The following MYLK4 variants were observed in gnomAD, a reference collection of about 807,000 sequenced individuals.
MYLK4 encodes myosin light chain kinase family member 4, also known as caMLCK like.
In MYLK4, 46 loss-of-function variants were observed where a neutral mutation model predicts 48.1. The ratio of observed to expected loss-of-function variants is 0.96; its 90% confidence interval spans 0.75 to 1.22. The LOEUF (loss-of-function observed/expected upper bound fraction) is 1.22, where lower values mean the gene tolerates loss of function less well. MYLK4 is among the 50% of genes most tolerant of loss of function. The pLI is 0.00. For synonymous variants in MYLK4, 170 were observed against 180.8 expected, an observed-to-expected ratio of 0.94 and a Z score of 0.48; for missense variants, 451 against 486.1, an observed-to-expected ratio of 0.93 and a Z score of 0.68.
chr6:2,770,018 A>G, the MYLK4 span: 8 of 1,521,738 alleles, frequency 5.3e-6, no homozygotes, highest in South Asian at 9.9e-5. Context: ...AACTCGAAAG[A>G]TAAAAATGAG....
intron 12 of MYLK4, among the ~76,000 whole-genome samples, chr6:2,670,434 G>A (rs547667801): frequency 1.3e-5 from 2 of 152,270 alleles, no homozygotes; most frequent in South Asian, 4.1e-4. Flanking sequence ...CGTCAACGCT[G>A]TGCAGTTACA....
At chr6:2,690,109 AG>A (rs920956016) in intron 3 of MYLK4, among the ~76,000 whole-genome samples, 12 of 152,300 alleles carry the variant, frequency 7.9e-5, no homozygotes, top group African/African-American at 2.9e-4. Flanking sequence ...AAGGTTAAAA[AG>A]CCTTAAAAGG....
chr6:2,709,898 C>G (rs371809059), intron 2 of MYLK4, among the ~76,000 whole-genome samples: 30 of 152,038 alleles, frequency 2.0e-4, no homozygotes, highest in African/African-American at 7.2e-4. Context: ...GTCTCTGTCC[C>G]CAAGAAACTA....
chr6:2,711,320 T>C (rs1399226928), intron 2 of MYLK4, among the ~76,000 whole-genome samples: 5 of 152,358 alleles, frequency 3.3e-5, no homozygotes, highest in East Asian at 1.9e-4. Flanking sequence ...TTAGTAACCA[T>C]GGAGAAAAGG....
intron 2 of MYLK4, among the ~76,000 whole-genome samples, chr6:2,696,862 C>G (rs1400008561): frequency 6.6e-6 from 1 of 152,146 alleles, no homozygotes; most frequent in Non-Finnish European, 1.5e-5. Flanking sequence ...GAGTTTGAGA[C>G]CAGCCCGGCC....
At chr6:2,768,163 A>C in the MYLK4 span, among the ~76,000 whole-genome samples, 4 of 152,198 alleles carry the variant, frequency 2.6e-5, no homozygotes, top group African/African-American at 9.7e-5. Flanking sequence ...GAACATGCAG[A>C]AGTGGCCTAC....
intron 2 of MYLK4, among the ~76,000 whole-genome samples, chr6:2,701,611 A>G (rs1387802121): frequency 1.3e-5 from 2 of 152,256 alleles, no homozygotes; most frequent in African/African-American, 4.8e-5. Flanking sequence ...ATGTCTCTGA[A>G]TGAATGAATT....
chr6:2,716,929 C>T (rs1290232253), intron 2 of MYLK4, among the ~76,000 whole-genome samples: 3 of 152,210 alleles, frequency 2.0e-5, no homozygotes, highest in Non-Finnish European at 4.4e-5. Flanking sequence ...ACAGGCATTA[C>T]ACCAATAGAA....
At position 2,685,215 on chromosome 6, in the gene MYLK4, A is replaced by G; in HGVS notation, c.545+81T>C. 9.9e-7 allele frequency: 1 copy of G among 1,013,644 alleles called. No homozygotes were observed. Among genetic ancestry groups the G allele is most frequent in the Non-Finnish European group, 1.6e-6 (1 of 641,410 alleles). 62.8% of individuals were successfully genotyped at this position (1,013,644 alleles called of 1,614,324 possible). On this transcript the variant is annotated intron_variant, in intron 6 of 12. Transcript: ENST00000274643. This position sits in a 1 kb window ranked among gnomAD's most constrained non-coding sequence, Gnocchi z 4.5. ...GCGAGCTTGGTTCTGGTCCCGCTAC[A>G]GCAGGACGGAGCTACTGAGGCACGG...
intron 2 of MYLK4, among the ~76,000 whole-genome samples, chr6:2,734,399 G>T (rs886078596): frequency 6.6e-6 from 1 of 152,140 alleles, no homozygotes; most frequent in Admixed American, 6.5e-5. Context: ...ACCCTCCCAG[G>T]GCAGAGGGAG....
At chr6:2,670,321 G>A (rs1200576770) in intron 12 of MYLK4, among the ~76,000 whole-genome samples, 2 of 152,084 alleles carry the variant, frequency 1.3e-5, no homozygotes, top group African/African-American at 4.8e-5. Flanking sequence ...AGCCAAGATC[G>A]CACCATTGCA....
At chr6:2,765,597 G>C in the MYLK4 span, 2 of 1,481,434 alleles carry the variant, frequency 1.4e-6, no homozygotes, top group South Asian at 2.5e-5. Context: ...CGGCCGCGCC[G>C]GGCGCCGGGG....
the MYLK4 span, among the ~76,000 whole-genome samples, chr6:2,762,899 G>A: frequency 3.9e-5 from 6 of 152,106 alleles, no homozygotes; most frequent in East Asian, 3.9e-4. Flanking sequence ...CAGAAATAAA[G>A]CTACAAGTCT....
chr6:2,697,551 C>T (rs866701152), intron 2 of MYLK4, among the ~76,000 whole-genome samples: 21 of 152,210 alleles, frequency 1.4e-4, no homozygotes, highest in Admixed American at 2.0e-4. Context: ...ACAGACCTGT[C>T]CCAGTACTAC....
the MYLK4 span, chr6:2,770,149 G>T: frequency 1.2e-6 from 2 of 1,614,198 alleles, no homozygotes; most frequent in African/African-American, 1.3e-5. Flanking sequence ...TGGAATGTGG[G>T]ACGATCACTC....
the MYLK4 span, chr6:2,768,899 C>A: frequency 5.0e-6 from 8 of 1,594,886 alleles, no homozygotes; most frequent in African/African-American, 6.7e-5. Context: ...TAACTTCCTT[C>A]TACCTTTTGG....
chr6:2,685,636 C>A lies in MYLK4; in HGVS notation c.342-60G>T. 6.8e-7 allele frequency: 1 copy of A among 1,466,172 alleles called. No individual in the cohort carries two copies. Among genetic ancestry groups the A allele is most frequent in the Non-Finnish European group, 9.5e-7 (1 of 1,050,296 alleles). The allele number at this position is 1,466,172 out of a possible 1,614,324, so 90.8% of individuals were successfully genotyped here. ...CTGTGGTCAGCTGCCGAGTGGACAG[C>A]GCACAGTGGCCCCAGTATTTCTCCT... On this transcript the variant is annotated intron_variant, in intron 4 of 12. Transcript: ENST00000274643. This position sits in a 1 kb window ranked among gnomAD's most constrained non-coding sequence, Gnocchi z 4.5.
chr6:2,762,594 A>T, the MYLK4 span, among the ~76,000 whole-genome samples: 1 of 152,098 alleles, frequency 6.6e-6, no homozygotes, highest in African/African-American at 2.4e-5. Context: ...TCAGCCCTAA[A>T]ACTTGTTTTG....
At chr6:2,765,141 C>T in the MYLK4 span, among the ~76,000 whole-genome samples, 1 of 151,436 alleles carries the variant, frequency 6.6e-6, no homozygotes, top group African/African-American at 2.4e-5. Context: ...CTGCGTCCGC[C>T]ACCGCGCAAC....
Sources: allele counts gnomAD v4.1 joint callset (sites outside exome capture counted in the v4.1 genomes callset), GRCh38; gene constraint gnomAD v4.1.1; non-coding constraint Gnocchi (gnomAD v3.1); transcripts MANE v1.5; gene names NCBI Gene and HGNC (gene_info 2026-07-23, HGNC 2026-07-21).